Variants in MYLK observed in about 807,000 individuals in gnomAD.
MYLK encodes the protein myosin light chain kinase, smooth muscle.
In MYLK, 106 loss-of-function variants were observed where a neutral mutation model predicts 203.4. That is an observed-to-expected ratio of 0.52 (90% CI 0.45 to 0.61). The LOEUF is 0.61. MYLK is among the 20% of genes least tolerant of loss of function. The probability of loss-of-function intolerance (pLI) is 0.00; values close to 1 mark genes in which losing one functional copy is unlikely to be tolerated. For missense variants in MYLK, 2,072 were observed against 2,442.3 expected (o/e 0.85, Z 3.20); for synonymous variants, 867 against 959.5 (o/e 0.90, Z 1.78).
chr3:123,620,219 G>T lies in MYLK; in HGVS notation c.5356C>A (p.Leu1786Ile). Residue 1786 changes from leucine to isoleucine, a missense_variant, in exon 32 of 34, where the codon CTA becomes ATA. This residue lies in a region of MYLK where 524 missense variants were observed against 782.4 expected (regional missense o/e 0.67). Coordinates refer to ENST00000360304, the MANE Select transcript of MYLK (RefSeq NM_053025.4). ...AACTCCTCCTTACCTTCAGATTCTAGTTTTTCTGCATTGAGCGGGCTGGTT... is the reference window on the plus strand; with the variant it reads ...AACTCCTCCTTACCTTCAGATTCTATTTTTTCTGCATTGAGCGGGCTGGTT... ...SPTSPLNAEK[L>I]ESEEDVSQAF... 6.2e-7 allele frequency: 1 copy of T among 1,614,034 alleles called. No homozygotes were observed. The highest frequency in any genetic ancestry group is 8.5e-7 in the Non-Finnish European group (1 of 1,179,958).
At chr3:123,825,244 C>T (rs770042632) in intron 3 of MYLK, among the ~76,000 whole-genome samples, 3 of 152,046 alleles carry the variant, frequency 2.0e-5, no homozygotes, top group African/African-American at 4.8e-5. Context: ...GGTTACTTGC[C>T]CTTTTGAAAC....
Position 123,709,873 on chromosome 3 carries a change from T to C in MYLK, c.1825A>G (p.Ser609Gly). 6.2e-7 allele frequency: 1 copy of C among 1,614,162 alleles called. No homozygotes were observed. The highest frequency in any genetic ancestry group is 8.5e-7 in the Non-Finnish European group (1 of 1,180,034). Residue 609 changes from serine (S) to glycine (G), a missense_variant, in exon 14 of 34, where the codon AGT (serine) becomes GGT (glycine). Ser to Gly is a moderately conservative substitution (Grantham distance 56, BLOSUM62 0). Around this residue, in one of 3 missense-constraint regions of MYLK, gnomAD observed 865 missense variants for 1,016.0 expected, o/e 0.85. Transcript: ENST00000360304. ...TVHEKKSSRK[S>G]EYLLPVAPSK... The stretch of plus-strand genomic sequence containing the variant: ...GGAGCCACAGGCAGAAGGTACTCAC[T>C]CTTCCTGCTACTCTTCTTTTCTGTG...
At chr3:123,718,349 G>A (rs529434258) in intron 13 of MYLK, among the ~76,000 whole-genome samples, 2 of 152,318 alleles carry the variant, frequency 1.3e-5, no homozygotes, top group African/African-American at 4.8e-5. Flanking sequence ...CACACAGTAT[G>A]ACGTGATCCC....
intron 4 of MYLK, among the ~76,000 whole-genome samples, chr3:123,782,946 T>G (rs2064357157): frequency 6.6e-6 from 1 of 152,242 alleles, no homozygotes; most frequent in South Asian, 2.1e-4. Context: ...TCTATGGTTG[T>G]GATCAGAGTG....
At chr3:123,767,158 T>A (rs952458390) in intron 4 of MYLK, among the ~76,000 whole-genome samples, 16 of 152,166 alleles carry the variant, frequency 1.1e-4, no homozygotes, top group Admixed American at 1.0e-3. Context: ...GGAGGAAGAA[T>A]TGGCGGGGGC....
chr3:123,842,746 A>C (rs2066624297), intron 2 of MYLK, among the ~76,000 whole-genome samples: 1 of 152,226 alleles, frequency 6.6e-6, no homozygotes, highest in African/African-American at 2.4e-5. Context: ...GTGTCCATTT[A>C]TGCAACACAT....
In MYLK at chr3:123,664,203, G is replaced by C. The variant is rs1330691130; in HGVS notation, c.3887C>G (p.Thr1296Ser). The change falls in exon 23 of 34, where the codon ACC becomes AGC. Residue 1296 changes from threonine (T) to serine (S), a missense_variant. By Grantham distance (58) the Thr-to-Ser change is moderately conservative. Coordinates refer to ENST00000360304, the MANE Select transcript of MYLK (RefSeq NM_053025.4). ...VENSENGSKLTILAARQEHCG... is the reference protein window; with the variant it reads ...VENSENGSKLSILAARQEHCG... ...GTGCTCCTGGCGCGCGGCCAGGATG[G>C]TGAGCTTGCTGCCATTCTCGCTGTT... 1 of 1,614,202 alleles carries C rather than the reference G, an allele frequency of 6.2e-7. No homozygotes were observed.
intron 13 of MYLK, among the ~76,000 whole-genome samples, chr3:123,719,225 C>T (rs1444990404): frequency 6.6e-6 from 1 of 152,218 alleles, no homozygotes. Flanking sequence ...AATAAGCTTG[C>T]TTGCAGCAGA....
chr3:123,772,908 T>C (rs2063933509), intron 4 of MYLK, among the ~76,000 whole-genome samples: 1 of 152,006 alleles, frequency 6.6e-6, no homozygotes, highest in Non-Finnish European at 1.5e-5. Flanking sequence ...TAATTTAAAC[T>C]TCATTTTTCT....
rs1477946165 is a variant in MYLK, at chr3:123,657,268, G to T, written c.4146C>A (p.Ala1382=). The change falls in exon 24 of 34, where the codon GCC becomes GCA. Residue 1382 remains alanine, a synonymous_variant. Transcript: ENST00000360304. The stretch of plus-strand genomic sequence containing the variant: ...CGTTGAAAGAGGTGCTGCGGCATGT[G>T]GCTAGTTCCTTCCACGTCTTGTTGG... ...DSANKTWKEL[A]TCRSTSFNVQ... 1.2e-6 allele frequency: 2 copies of T among 1,614,002 alleles called. No homozygotes were observed. The highest frequency in any genetic ancestry group is 2.2e-5 in the South Asian group (2 of 91,068).
intron 20 of MYLK, among the ~76,000 whole-genome samples, chr3:123,676,489 G>A (rs1443710851): frequency 1.3e-5 from 2 of 152,202 alleles, no homozygotes; most frequent in South Asian, 2.1e-4. Flanking sequence ...ATGGAAAAGG[G>A]ACAGTTTTTA....
chr3:123,726,197 G>T, intron 11 of MYLK, 119 bp from the exon 12 acceptor site: 1 of 1,346,280 alleles, frequency 7.4e-7, no homozygotes, highest in Non-Finnish European at 1.0e-6. Context: ...ACCCTCGGCA[G>T]CCTGCCTTTG....
Position 123,612,683 on chromosome 3 carries a change from T to TA in MYLK, c.*1421dup, listed in dbSNP as rs2057278050. The TA allele has an allele frequency of 6.6e-6, 1 of 152,590 alleles. No individual in the cohort carries two copies. Among genetic ancestry groups the TA allele is most frequent in the Non-Finnish European group, 1.5e-5 (1 of 68,026 alleles). 9.5% of individuals were successfully genotyped at this position (152,590 alleles called of 1,614,324 possible). ...GATAAAAATAGAATGGAAGATAACA[T>TA]AAGACTAATATCAAAATTCTAATGT... On this transcript the variant is annotated 3_prime_UTR_variant, in exon 34 of 34. Transcript: ENST00000360304.
intron 19 of MYLK, among the ~76,000 whole-genome samples, chr3:123,683,049 TGG>T (rs1553795728): frequency 1.4e-3 from 2 of 1,384 alleles, no homozygotes; most frequent in Admixed American, 0.083. Flanking sequence ...ATCACTTGGC[TGG>T]GCTGGGCTGG....
chr3:123,666,301 C>T lies in MYLK; in HGVS notation c.3749G>A (p.Arg1250His), dbSNP rs139817477. 1.1e-4 allele frequency: 173 copies of T among 1,614,106 alleles called. No homozygotes were observed. The highest frequency in any genetic ancestry group is 1.4e-4 in the Non-Finnish European group (161 of 1,180,056). ...IIQFPEDQKV[R>H]AGESVELFGK... is the part of the protein sequence containing the mutation. ...AAACAGCTCCACTGACTCTCCTGCGCGTACCTTCTGGTCCTCAGGGAACTG... is the reference window on the plus strand; with the variant it reads ...AAACAGCTCCACTGACTCTCCTGCGTGTACCTTCTGGTCCTCAGGGAACTG... Residue 1250 changes from arginine (R) to histidine (H), a missense_variant, in exon 22 of 34, where the codon CGC (arginine) becomes CAC (histidine). By Grantham distance (29) the Arg-to-His change is conservative. Around this residue, in one of 3 missense-constraint regions of MYLK, gnomAD observed 865 missense variants for 1,016.0 expected, o/e 0.85. Coordinates refer to ENST00000360304, the MANE Select transcript of MYLK (RefSeq NM_053025.4).
At chr3:123,848,244 G>A (rs1405853401) in intron 2 of MYLK, among the ~76,000 whole-genome samples, 1 of 64,584 alleles carries the variant, frequency 1.5e-5, no homozygotes, top group African/African-American at 6.6e-5. Context: ...TTATTTGTGG[G>A]TCTTATTTTG....
rs2108006223 is a variant in MYLK, at chr3:123,629,628, T to C, written c.4962-2A>G. 6.2e-7 allele frequency: 1 copy of C among 1,613,574 alleles called. No individual in the cohort carries two copies. On this transcript the variant is annotated splice_acceptor_variant, in intron 29 of 33. Transcript: ENST00000360304. LOFTEE classifies it high-confidence loss of function. The surrounding 1 kb of genome is among the most constrained non-coding windows in gnomAD (Gnocchi z 4.4). ...ATGAAGGGGGAAAGGCCACTGACTC[T>C]GGAGAGACAAGAGCAGGACAGCAGG...
At chr3:123,731,537 A>C (rs574142636) in intron 11 of MYLK, among the ~76,000 whole-genome samples, 1 of 152,304 alleles carries the variant, frequency 6.6e-6, no homozygotes, top group African/African-American at 2.4e-5. Flanking sequence ...ATATGGATAC[A>C]TCACTAACTC....
rs60797453 is a variant in MYLK, at chr3:123,749,074, AATACATACATAC to A, written c.373+3245_373+3256del. Among the ~76,000 whole-genome samples the A allele has an allele frequency of 4.2e-3, 603 of 142,342 alleles. 2 individuals carry two copies. The highest frequency in any genetic ancestry group is 5.8e-3 in the African/African-American group (222 of 38,524). 93.4% of individuals were successfully genotyped at this position (142,342 alleles called of 152,430 possible). A position where few individuals can be genotyped will look rare whatever the true frequency, so the allele number is the denominator to read the frequency against. On this transcript the variant is annotated intron_variant, in intron 5 of 33. Coordinates refer to ENST00000360304, the MANE Select transcript of MYLK (RefSeq NM_053025.4). ...ACACGGCAAGACCCTGTCTCAGAAAAATACATACATACATACATACATACATACATACATACA... is the reference window on the plus strand; with the variant it reads ...ACACGGCAAGACCCTGTCTCAGAAAAATACATACATACATACATACATACA...
Sources: allele counts gnomAD v4.1 joint callset (sites outside exome capture counted in the v4.1 genomes callset), GRCh38; gene constraint gnomAD v4.1.1; regional missense constraint gnomAD v4.1.1; non-coding constraint Gnocchi (gnomAD v3.1); transcripts MANE v1.5; gene names NCBI Gene and HGNC (gene_info 2026-07-23, HGNC 2026-07-21).